Variants in MFSD1 observed in about 807,000 individuals in gnomAD.
MFSD1 encodes the protein major facilitator superfamily domain containing 1, also known as lysosomal dipeptide transporter MFSD1.
Under a neutral mutation model 67.1 loss-of-function variants are expected in MFSD1, and 59 were observed. That is an observed-to-expected ratio of 0.88 (90% CI 0.71 to 1.09). The LOEUF (loss-of-function observed/expected upper bound fraction) is 1.09. Ranked by LOEUF, MFSD1 falls within the 50% of genes least tolerant of loss-of-function variation. The probability of loss-of-function intolerance (pLI) is 0.00; values close to 1 mark genes in which losing one functional copy is unlikely to be tolerated. For missense variants in MFSD1, 552 were observed against 566.1 expected (o/e 0.97, Z 0.25); for synonymous variants, 213 against 200.3 (o/e 1.06, Z -0.54).
chr3:158,808,267 A>G lies in MFSD1; in HGVS notation c.440+804A>G, dbSNP rs557109846. On this transcript the variant is annotated intron_variant, in intron 5 of 15. Coordinates refer to ENST00000415822, the MANE Select transcript of MFSD1 (RefSeq NM_022736.4). ...ATTTTTGGGCTAGGACAGAGTCACA[A>G]GAAATAAGACTATTTCTTATTTGTC... 5.9e-5 allele frequency among the ~76,000 whole-genome samples: 9 copies of G among 152,368 alleles called. 1 individual carries two copies. The highest frequency in any genetic ancestry group is 1.9e-4 in the African/African-American group (8 of 41,588).
At chr3:158,817,992 A>C (rs533322296) in intron 7 of MFSD1, among the ~76,000 whole-genome samples, 2 of 152,218 alleles carry the variant, frequency 1.3e-5, no homozygotes, top group African/African-American at 4.8e-5. Flanking sequence ...ACTGTCCCTA[A>C]GTTCTCTTAG....
chr3:158,824,388 G>T (rs573230371), intron 13 of MFSD1, 152 bp downstream of exon 13: 1 of 629,188 alleles, frequency 1.6e-6, no homozygotes, highest in Non-Finnish European at 2.8e-6. Context: ...AAGATTCACA[G>T]GCATTTTTTA....
At chr3:158,802,429 T>G (rs1729504481) in intron 1 of MFSD1, 114 bp downstream of exon 1, 1 of 1,213,798 alleles carries the variant, frequency 8.2e-7, no homozygotes, top group Non-Finnish European at 1.2e-6. Flanking sequence ...GCTTCTGTCT[T>G]AAGCTCCTGG....
At chr3:158,807,886 G>A (rs865986966) in intron 5 of MFSD1, among the ~76,000 whole-genome samples, 25 of 152,350 alleles carry the variant, frequency 1.6e-4, no homozygotes, top group African/African-American at 5.8e-4. Context: ...CACAATATGT[G>A]TAAGCTGACT....
intron 12 of MFSD1, among the ~76,000 whole-genome samples, chr3:158,823,789 G>A (rs564805475): frequency 1.2e-4 from 18 of 152,322 alleles, no homozygotes; most frequent in African/African-American, 4.1e-4. Flanking sequence ...AGGCTTCTTA[G>A]TGAGAAGCTG....
Position 158,827,345 on chromosome 3 carries a change from T to C in MFSD1, c.1394+8T>C, listed in dbSNP as rs753254870. ...AAAATTTTCCCATACTGAGTAAGTA[T>C]TAAAAGGGTAAAAAGTTGTCTTTAT... is the stretch of plus-strand genomic sequence containing the variant. On this transcript the variant is annotated splice_region_variant and intron_variant, in intron 15 of 15. Transcript: ENST00000415822. 4 of 1,483,282 alleles carry C rather than the reference T, an allele frequency of 2.7e-6. No homozygotes were observed. Among genetic ancestry groups the C allele is most frequent in the Non-Finnish European group, 3.6e-6 (4 of 1,100,334 alleles). The allele number at this position is 1,483,282 out of a possible 1,614,324, so 91.9% of individuals were successfully genotyped here. A position where few individuals can be genotyped will look rare whatever the true frequency, so the allele number is the denominator to read the frequency against.
intron 9 of MFSD1, among the ~76,000 whole-genome samples, chr3:158,820,619 C>A (rs1223336996): frequency 6.6e-6 from 1 of 152,194 alleles, no homozygotes; most frequent in Non-Finnish European, 1.5e-5. Context: ...AATTGACTCA[C>A]AGTTCCATAG....
intron 13 of MFSD1, among the ~76,000 whole-genome samples, chr3:158,824,734 A>C (rs1452346278): frequency 1.3e-5 from 2 of 152,214 alleles, no homozygotes; most frequent in Non-Finnish European, 2.9e-5. Context: ...CTACATATAA[A>C]TTGTGTTTAT....
intron 9 of MFSD1, among the ~76,000 whole-genome samples, 195 bp from the exon 10 acceptor site, chr3:158,821,402 T>A (rs1730660681): frequency 6.6e-6 from 1 of 152,348 alleles, no homozygotes; most frequent in East Asian, 1.9e-4. Context: ...ATATGCATCA[T>A]ATGTCATTTA....
In MFSD1 at chr3:158,802,146, G is replaced by C; in HGVS notation, c.-7G>C. ...CCACTTTCCCCTCTCCGTCTCCTGC[G>C]GGCGCAATGGAGGAGGAGGATGAGG... On this transcript the variant is annotated 5_prime_UTR_variant, in exon 1 of 16. Transcript: ENST00000415822. 6.2e-7 allele frequency: 1 copy of C among 1,612,430 alleles called. No homozygotes were observed. The highest frequency in any genetic ancestry group is 1.1e-5 in the South Asian group (1 of 90,870).
At chr3:158,821,728 CA>C (rs992624971) in intron 10 of MFSD1, 75 bp downstream of exon 10, 6 of 1,280,790 alleles carry the variant, frequency 4.7e-6, no homozygotes, top group African/African-American at 4.5e-5. Context: ...TTAAAAGAAG[CA>C]AAAAAGATGT....
chr3:158,814,151 A>G, intron 7 of MFSD1, 84 bp downstream of exon 7: 1 of 982,796 alleles, frequency 1.0e-6, no homozygotes, highest in Non-Finnish European at 1.6e-6. Context: ...GGCACACTGG[A>G]ATTTGTATCT....
intron 13 of MFSD1, 148 bp downstream of exon 13, chr3:158,824,384 C>T (rs1162921385): frequency 1.4e-5 from 9 of 637,030 alleles, no homozygotes; most frequent in Non-Finnish European, 2.2e-5. Flanking sequence ...TCTGAAGATT[C>T]ACAGGCATTT....
At chr3:158,805,536 A>G in intron 3 of MFSD1, 62 bp downstream of exon 3, 1 of 1,191,706 alleles carries the variant, frequency 8.4e-7, no homozygotes, top group Non-Finnish European at 1.3e-6. Flanking sequence ...ACAGAGCTAG[A>G]TTAAGGTATT....
chr3:158,815,699 A>T (rs975786010), intron 7 of MFSD1, among the ~76,000 whole-genome samples: 1 of 151,506 alleles, frequency 6.6e-6, no homozygotes, highest in African/African-American at 2.4e-5. Flanking sequence ...CATGTGCACA[A>T]TGTGCAGGTT....
At chr3:158,821,211 C>A (rs1237605178) in intron 9 of MFSD1, among the ~76,000 whole-genome samples, 3 of 152,148 alleles carry the variant, frequency 2.0e-5, no homozygotes, top group Non-Finnish European at 4.4e-5. Context: ...ATGGTTTATA[C>A]CCTTTGAGTT....
intron 5 of MFSD1, among the ~76,000 whole-genome samples, chr3:158,807,833 C>T (rs984211028): frequency 2.0e-5 from 3 of 152,284 alleles, no homozygotes; most frequent in East Asian, 3.9e-4. Context: ...GCAAGTGATG[C>T]GAGGGTCCTT....
chr3:158,819,772 CT>C (rs764190110), intron 8 of MFSD1, 25 bp downstream of exon 8: 1 of 1,360,604 alleles, frequency 7.3e-7, no homozygotes, highest in African/African-American at 1.5e-5. Flanking sequence ...AAGAATGGGA[CT>C]TAGGGGAATT....
chr3:158,802,605 T>C (rs1287069891), intron 1 of MFSD1: 7 of 672,836 alleles, frequency 1.0e-5, no homozygotes, highest in Non-Finnish European at 1.9e-5. Context: ...CTAGAGGCGA[T>C]AGATATGAAG....
Sources: gnomAD v4.1 joint callset for allele counts (sites outside exome capture counted in the v4.1 genomes callset) on GRCh38, gnomAD v4.1.1 for gene constraint, MANE v1.5 for transcripts, NCBI Gene and HGNC (gene_info 2026-07-23, HGNC 2026-07-21) for gene names.